The following VWF variants were observed in gnomAD, a reference collection of about 807,000 sequenced individuals.
VWF encodes Factor VIII related antigen.
In VWF, 176 loss-of-function variants were observed where a neutral mutation model predicts 308.6. The ratio of observed to expected loss-of-function variants is 0.57; its 90% CI spans 0.50 to 0.65. VWF has a LOEUF of 0.65. VWF is among the 30% of genes least tolerant of loss of function. The pLI is 0.00. For synonymous variants in VWF, 1,385 were observed against 1,443.4 expected (o/e 0.96, Z 0.92); for missense variants, 3,146 against 3,648.2 (o/e 0.86, Z 3.55).
chr12:6,041,314 C>T (rs902898196), intron 18 of VWF, among the ~76,000 whole-genome samples: 1 of 151,630 alleles, frequency 6.6e-6, no homozygotes, highest in African/African-American at 2.4e-5. Flanking sequence ...CCTGTAATCC[C>T]AGCTACTCAG....
At chr12:6,009,760 A>AT (rs1943970473) in intron 34 of VWF, among the ~76,000 whole-genome samples, 1 of 152,208 alleles carries the variant, frequency 6.6e-6, no homozygotes, top group African/African-American at 2.4e-5. Flanking sequence ...GATAAAGAAA[A>AT]TGTGGTATAT....
chr12:6,036,597 G>T, intron 18 of VWF, 106 bp from the exon 19 acceptor site: 1 of 1,054,340 alleles, frequency 9.5e-7, no homozygotes, highest in Non-Finnish European at 1.4e-6. Flanking sequence ...CTACGGGTAA[G>T]CCCAGCACTG....
At chr12:6,110,094 C>T (rs151227584) in intron 5 of VWF, among the ~76,000 whole-genome samples, 4 of 152,300 alleles carry the variant, frequency 2.6e-5, no homozygotes, top group Non-Finnish European at 1.5e-5. Context: ...TGAGGAGGAT[C>T]GACTCAAACT....
intron 38 of VWF, among the ~76,000 whole-genome samples, chr12:5,990,525 G>A (rs1943726707): frequency 6.6e-6 from 1 of 152,110 alleles, no homozygotes; most frequent in Non-Finnish European, 1.5e-5. Context: ...TGAACATAGT[G>A]GTAAGTCACT....
At chr12:6,090,712 T>C (rs1290109389) in intron 6 of VWF, among the ~76,000 whole-genome samples, 4 of 152,106 alleles carry the variant, frequency 2.6e-5, no homozygotes, top group African/African-American at 9.7e-5. Context: ...ATATTATCCC[T>C]CTCTTACCTT....
chr12:6,012,599 G>A (rs57857737), intron 32 of VWF, among the ~76,000 whole-genome samples: 8,515 of 151,864 alleles, frequency 0.056, 725 homozygotes, highest in African/African-American at 0.19. Context: ...TTATTCCCCC[G>A]AAGGACAGTA....
chr12:5,969,277 G>T lies in VWF; in HGVS notation c.7663C>A (p.Pro2555Thr). ...RNVSCPQLEV[P>T]VCPSGFQLSC... ...AGCTGAAAGCCCGAGGGGCAGACAG[G>T]GACCTCCAGCTGGGGGCAGGAGACG... Residue 2555 changes from proline to threonine, a missense_variant, in exon 45 of 52, where the codon CCT becomes ACT. Coordinates refer to ENST00000261405, the MANE Select transcript of VWF (RefSeq NM_000552.5). The T allele has an allele frequency of 6.2e-7, 1 of 1,614,182 alleles. No homozygotes were observed. The highest frequency in any genetic ancestry group is 8.5e-7 in the Non-Finnish European group (1 of 1,180,036).
chr12:6,041,499 A>G (rs1056744491), intron 18 of VWF, among the ~76,000 whole-genome samples: 7 of 151,524 alleles, frequency 4.6e-5, no homozygotes, highest in Admixed American at 2.0e-4. Context: ...CTCAGGCTGG[A>G]GTGCAGTGGT....
Position 6,052,662 on chromosome 12 carries a change from G to T in VWF, c.2067C>A (p.Cys689Ter), listed in dbSNP as rs764755360. ...CNEACLEGCF[C>*]PPGLYMDERG... ...TCTCATCCATGTAGAGCCCTGGGGG[G>T]CAGAAGCAGCCCTCCAGGCAGGCCT... The change falls in exon 16 of 52, where the codon TGC becomes TGA. Residue 689 changes from cysteine to a stop codon, truncating the protein, a stop_gained. Transcript: ENST00000261405. LOFTEE classifies it high-confidence loss of function. The T allele has an allele frequency of 2.5e-6, 4 of 1,614,254 alleles. No homozygotes were observed. The highest frequency in any genetic ancestry group is 3.4e-6 in the Non-Finnish European group (4 of 1,180,048).
chr12:6,095,694 T>A, intron 5 of VWF, 110 bp from the exon 6 acceptor site: 1 of 1,519,514 alleles, frequency 6.6e-7, no homozygotes, highest in Non-Finnish European at 9.1e-7. Context: ...TTTAATTTTT[T>A]ATAAAGAGAC....
chr12:6,114,899 G>A (rs879572134), intron 3 of VWF, among the ~76,000 whole-genome samples: 8 of 152,198 alleles, frequency 5.3e-5, no homozygotes, highest in Admixed American at 5.2e-4. Context: ...CAGGAGTCTA[G>A]GGGCAGGAGT....
chr12:6,103,443 CATACACATATATGTGTAT>C (rs1200866145), intron 5 of VWF, among the ~76,000 whole-genome samples: 1 of 115,764 alleles, frequency 8.6e-6, no homozygotes, highest in Non-Finnish European at 1.7e-5. Context: ...TGTGTATATA[CATACACATATATGTGTAT>C]ATACACATAT....
rs1223683041 is a variant in VWF at position 5,969,384 on chromosome 12, G to A, written c.7556C>T (p.Ser2519Phe). 4 of 1,614,100 alleles carry A rather than the reference G, an allele frequency of 2.5e-6. No homozygotes were observed. Among genetic ancestry groups the A allele is most frequent in the Non-Finnish European group, 3.4e-6 (4 of 1,180,046 alleles). The stretch of plus-strand genomic sequence containing the variant: ...GGGGTTCTCCGGGGAGGCCCACTGG[G>A]AGCCGACCTGCAGGGCACCAGAGTT... Reference protein sequence around the residue: ...DSQSSWKSVGSQWASPENPCL... With the variant: ...DSQSSWKSVGFQWASPENPCL... Residue 2519 changes from serine (S) to phenylalanine (F), a missense_variant, in exon 45 of 52, where the codon TCC becomes TTC. Coordinates refer to ENST00000261405, the MANE Select transcript of VWF (RefSeq NM_000552.5).
chr12:6,037,556 A>G (rs1944351088), intron 18 of VWF, among the ~76,000 whole-genome samples: 1 of 152,216 alleles, frequency 6.6e-6, no homozygotes, highest in Admixed American at 6.5e-5. Context: ...TACCAGCCCC[A>G]GAAGAGTCAG....
intron 38 of VWF, 87 bp downstream of exon 38, chr12:5,991,732 G>T: frequency 1.4e-6 from 2 of 1,443,332 alleles, no homozygotes; most frequent in Non-Finnish European, 1.9e-6. Context: ...TGCCACAGTT[G>T]GAAGAGGCCA....
rs61750614 is a variant in VWF at position 5,994,488 on chromosome 12, GA to G, written c.6182del (p.Phe2061SerfsTer38). The G allele has an allele frequency of 1.2e-6, 2 of 1,614,160 alleles. No individual in the cohort carries two copies. The highest frequency in any genetic ancestry group is 1.7e-6 in the Non-Finnish European group (2 of 1,180,004). ...GTTGGAACTCATTGTTTTGTGGAGT[GA>G]ATGTGAAGATGTGACCAAGGTGATT... ...RFNHLGHIFT[F>X]TPQNNEFQLQ... On this transcript the variant is annotated frameshift_variant, in exon 36 of 52. Coordinates refer to ENST00000261405, the MANE Select transcript of VWF (RefSeq NM_000552.5). LOFTEE classifies it high-confidence loss of function.
chr12:6,071,998 G>A (rs77269827), intron 9 of VWF, among the ~76,000 whole-genome samples: 3 of 152,084 alleles, frequency 2.0e-5, no homozygotes, highest in African/African-American at 4.8e-5. Context: ...AAGGACCTAC[G>A]TACTGCTTAG....
chr12:5,968,949 T>A (rs1432363351), intron 45 of VWF, among the ~76,000 whole-genome samples: 1 of 152,208 alleles, frequency 6.6e-6, no homozygotes, highest in Admixed American at 6.5e-5. Flanking sequence ...GGGTGAAACG[T>A]CACAGCATTT....
chr12:6,117,911 C>T (rs1410768757), intron 3 of VWF, among the ~76,000 whole-genome samples: 1 of 152,174 alleles, frequency 6.6e-6, no homozygotes, highest in Non-Finnish European at 1.5e-5. Flanking sequence ...ACGGGTTTTC[C>T]GACTGCAACT....
Sources: allele counts gnomAD v4.1 joint callset (sites outside exome capture counted in the v4.1 genomes callset), GRCh38; gene constraint gnomAD v4.1.1; transcripts MANE v1.5; gene names NCBI Gene and HGNC (gene_info 2026-07-23, HGNC 2026-07-21).